The following GBP6 variants were observed in gnomAD, a reference collection of about 807,000 sequenced individuals.
The protein encoded by GBP6 is guanylate binding protein family member 6, also known as guanylate-binding protein 6.
GBP6 carries 54 observed loss-of-function variants against 61.5 expected under a neutral mutation model. That is an observed-to-expected ratio of 0.88 (90% CI 0.71 to 1.10). GBP6 has a LOEUF of 1.10. GBP6 is among the 50% of genes least tolerant of loss of function. The pLI, the probability that GBP6 is intolerant of heterozygous loss-of-function variation, is 0.00. For missense variants in GBP6, 748 were observed against 752.8 expected (o/e 0.99, Z 0.07); for synonymous variants, 255 against 273.7 (o/e 0.93, Z 0.67).
Position 89,368,728 on chromosome 1 carries a change from AGGACAGAATCATGGTAAGTG to A in GBP6, c.179_190+8del. 6.2e-7 allele frequency: 1 copy of A among 1,612,826 alleles called. No individual in the cohort carries two copies. Among genetic ancestry groups the A allele is most frequent in the Non-Finnish European group, 8.5e-7 (1 of 1,179,098 alleles). ...AATCCTACTTGATGAACCATCTGGC[AGGACAGAATCATGGTAAGTG>A]GTATCCTGGGACACAGGCCAGTTGC... On this transcript the variant is annotated splice_donor_variant and splice_donor_5th_base_variant and coding_sequence_variant and intron_variant, in exon 2 of 11. Coordinates refer to ENST00000370456, the MANE Select transcript of GBP6 (RefSeq NM_198460.3). LOFTEE classifies it high-confidence loss of function.
Position 89,381,778 on chromosome 1 carries a change from C to G in GBP6, c.956C>G (p.Ala319Gly). Residue 319 changes from alanine to glycine, a missense_variant, in exon 7 of 11, where the codon GCC becomes GGC. Ala to Gly is a moderately conservative substitution (Grantham distance 60, BLOSUM62 0). Coordinates refer to ENST00000370456, the MANE Select transcript of GBP6 (RefSeq NM_198460.3). ...CTGGAGAATGCAGTGATAACTCTGG[C>G]CCAGCGTGAGAACTCAGCGGCCGTG... Reference protein sequence around the residue: ...PCLENAVITLAQRENSAAVQR... With the variant: ...PCLENAVITLGQRENSAAVQR... 1 of 1,614,082 alleles carries G rather than the reference C, an allele frequency of 6.2e-7. No individual in the cohort carries two copies. Among genetic ancestry groups the G allele is most frequent in the Non-Finnish European group, 8.5e-7 (1 of 1,179,980 alleles).
chr1:89,376,429 G>A (rs1652810166), intron 3 of GBP6, among the ~76,000 whole-genome samples: 1 of 152,254 alleles, frequency 6.6e-6, no homozygotes, highest in Middle Eastern at 3.4e-3. Context: ...CTGCATACAT[G>A]TGGATATCTG....
At chr1:89,366,679 T>C (rs1652476152) in intron 1 of GBP6, among the ~76,000 whole-genome samples, 1 of 152,238 alleles carries the variant, frequency 6.6e-6, no homozygotes, top group South Asian at 2.1e-4. Context: ...TTTTGTCTTT[T>C]ACTCTCTTTT....
rs1354587973 is a variant in GBP6 at position 89,364,801 on chromosome 1, G to A, written c.-24+674G>A. On this transcript the variant is annotated intron_variant, in intron 1 of 10. Transcript: ENST00000370456. ...CAGTTGATTCTTTAAAAAAAAAAAA[G>A]ATGAAGAATAGACACTATGTTTAAA... Among the ~76,000 whole-genome samples, 21 of 134,862 alleles carry A rather than the reference G, an allele frequency of 1.6e-4. No individual in the cohort carries two copies. The South Asian group carries it at 4.9e-3, about 32-fold the overall frequency. The allele number at this position is 134,862 out of a possible 152,430, so 88.5% of individuals were successfully genotyped here. A position where few individuals can be genotyped will look rare whatever the true frequency, so the allele number is the denominator to read the frequency against.
At chr1:89,383,815 T>A in intron 9 of GBP6, 61 bp downstream of exon 9, 1 of 1,261,476 alleles carries the variant, frequency 7.9e-7, no homozygotes, top group African/African-American at 1.5e-5. Flanking sequence ...CTCTAACAGA[T>A]CTAACAGGAA....
At chr1:89,382,976 C>T (rs371076563) in intron 8 of GBP6, 100 bp downstream of exon 8, 10 of 695,940 alleles carry the variant, frequency 1.4e-5, no homozygotes, top group African/African-American at 1.1e-4. Context: ...TAGCATAACG[C>T]CTTAGCTTTC....
chr1:89,378,787 A>T (rs1193857191), intron 5 of GBP6, among the ~76,000 whole-genome samples, 174 bp downstream of exon 5: 2 of 152,216 alleles, frequency 1.3e-5, no homozygotes, highest in Non-Finnish European at 2.9e-5. Flanking sequence ...ACTTAAGAAA[A>T]GTAGAGTCTA....
intron 3 of GBP6, among the ~76,000 whole-genome samples, chr1:89,375,379 G>C (rs2100664913): frequency 6.6e-6 from 1 of 152,270 alleles, no homozygotes; most frequent in Admixed American, 6.5e-5. Context: ...ACAGATACTG[G>C]TGAGGCTGTG....
intron 5 of GBP6, 128 bp from the exon 6 acceptor site, chr1:89,380,258 T>G: frequency 1.4e-6 from 1 of 733,616 alleles, no homozygotes; most frequent in Non-Finnish European, 2.3e-6. Context: ...AGTATTTAAT[T>G]TTTATGTTAA....
chr1:89,380,212 C>T (rs184678420), intron 5 of GBP6, among the ~76,000 whole-genome samples, 174 bp from the exon 6 acceptor site: 20 of 152,324 alleles, frequency 1.3e-4, no homozygotes, highest in African/African-American at 4.6e-4. Context: ...AAATAGCTAA[C>T]ATTATACAAA....
chr1:89,378,094 GC>G lies in GBP6; in HGVS notation c.319-8del. Reference sequence around the variant, plus strand: ...ACTCCTAAGTCCTTTGCTCTAATGTGCTTTTTAGGGTGACCCTAAGAATGAC... The same window carrying G: ...ACTCCTAAGTCCTTTGCTCTAATGTGTTTTTAGGGTGACCCTAAGAATGAC... On this transcript the variant is annotated splice_polypyrimidine_tract_variant and splice_region_variant and intron_variant, in intron 3 of 10. Transcript: ENST00000370456. The G allele has an allele frequency of 6.2e-7, 1 of 1,609,690 alleles. No homozygotes were observed.
At chr1:89,381,470 A>G (rs963649574) in intron 6 of GBP6, among the ~76,000 whole-genome samples, 6 of 152,086 alleles carry the variant, frequency 3.9e-5, no homozygotes, top group African/African-American at 1.4e-4. Flanking sequence ...AGATACAAGT[A>G]GATATTTAAA....
chr1:89,371,379 A>T (rs966256427), intron 3 of GBP6, among the ~76,000 whole-genome samples: 2 of 152,202 alleles, frequency 1.3e-5, no homozygotes, highest in African/African-American at 4.8e-5. Context: ...ATTTTGGACC[A>T]ATATCCCTGA....
intron 3 of GBP6, among the ~76,000 whole-genome samples, 183 bp from the exon 4 acceptor site, chr1:89,377,920 T>A (rs1355840523): frequency 1.3e-5 from 2 of 152,252 alleles, no homozygotes; most frequent in African/African-American, 2.4e-5. Context: ...AGAATCCTTT[T>A]ATATGTAAAG....
rs1276899425 is a variant in GBP6 at position 89,387,730 on chromosome 1, T to A, written c.*2261T>A. Among the ~76,000 whole-genome samples, 1 of 152,196 alleles carries A rather than the reference T, an allele frequency of 6.6e-6. No individual in the cohort carries two copies. Among genetic ancestry groups the A allele is most frequent in the African/African-American group, 2.4e-5 (1 of 41,448 alleles). ...GGCAGATCACTTGAGGTCAGAAGTT[T>A]GAGACCAGCCTGGCCAACATGGCGA... On this transcript the variant is annotated 3_prime_UTR_variant, in exon 11 of 11. Transcript: ENST00000370456.
In GBP6 at chr1:89,384,183, A is replaced by T. The variant is rs959460; in HGVS notation, c.1559A>T (p.Asp520Val). 1,429,603 of 1,613,922 alleles carry T rather than the reference A, an allele frequency of 0.89. 633,888 individuals carry two copies. The highest frequency in any genetic ancestry group is 0.91 in the Admixed American group (54,623 of 59,982). ...CAGCAGCAACAGATGGAGGCTCAAG[A>T]TAAGAGTCGCAAGGAAAACATAGCC... ...QEQQQQMEAQ[D>V]KSRKENIAQL... is the part of the protein sequence containing the mutation. The change falls in exon 10 of 11, where the codon GAT (aspartate) becomes GTT (valine). Residue 520 changes from aspartate (D) to valine (V), a missense_variant. Transcript: ENST00000370456.
intron 1 of GBP6, among the ~76,000 whole-genome samples, chr1:89,364,937 C>G (rs1652425022): frequency 6.6e-6 from 1 of 151,692 alleles, no homozygotes; most frequent in Admixed American, 6.6e-5. Flanking sequence ...TCCTAATGCT[C>G]TCCCTCCCCT....
intron 3 of GBP6, 76 bp downstream of exon 3, chr1:89,369,749 G>A: frequency 6.7e-7 from 1 of 1,491,648 alleles, no homozygotes; most frequent in East Asian, 2.3e-5. Flanking sequence ...TGATCTATTT[G>A]TGCAAACTAG....
At chr1:89,369,290 C>T (rs1652552454) in intron 2 of GBP6, among the ~76,000 whole-genome samples, 2 of 152,202 alleles carry the variant, frequency 1.3e-5, no homozygotes, top group South Asian at 2.1e-4. Flanking sequence ...TTCCTGTTAT[C>T]AGTGACCTCC....
Sources: allele counts gnomAD v4.1 joint callset (sites outside exome capture counted in the v4.1 genomes callset), GRCh38; gene constraint gnomAD v4.1.1; transcripts MANE v1.5; gene names NCBI Gene and HGNC (gene_info 2026-07-23, HGNC 2026-07-21).